The following GALNT18 variants were observed in gnomAD, a reference collection of about 807,000 sequenced individuals.
The protein encoded by GALNT18 is GalNAc-transferase 18.
In GALNT18, 44 loss-of-function variants were observed where a neutral mutation model predicts 69.5. That is an observed-to-expected ratio of 0.63 (90% CI 0.50 to 0.81). The LOEUF (loss-of-function observed/expected upper bound fraction) is 0.81. GALNT18 is among the 40% of genes least tolerant of loss of function. The probability of loss-of-function intolerance (pLI) is 0.00; values close to 1 mark genes in which losing one functional copy is unlikely to be tolerated. For synonymous variants in GALNT18, 364 were observed against 318.2 expected, an observed-to-expected ratio of 1.14 and a Z score of -1.53; for missense variants, 715 against 810.0, an observed-to-expected ratio of 0.88 and a Z score of 1.42.
intron 1 of GALNT18, among the ~76,000 whole-genome samples, chr11:11,556,994 G>A (rs1190492945): frequency 6.6e-6 from 1 of 152,190 alleles, no homozygotes; most frequent in African/African-American, 2.4e-5. Flanking sequence ...GTCTGCCCAG[G>A]AGGCCCATGG....
intron 5 of GALNT18, among the ~76,000 whole-genome samples, chr11:11,375,864 G>A (rs1589950293): frequency 6.6e-6 from 1 of 152,292 alleles, no homozygotes; most frequent in East Asian, 1.9e-4. Flanking sequence ...TTAAGTATGA[G>A]TATACATTTT....
At position 11,293,141 on chromosome 11, in the gene GALNT18, G is replaced by A; in HGVS notation, c.1565C>T (p.Thr522Ile). 2 of 1,360,770 alleles carry A rather than the reference G, an allele frequency of 1.5e-6. No homozygotes were observed. The highest frequency in any genetic ancestry group is 3.0e-5 in the Admixed American group (1 of 33,844). The allele number at this position is 1,360,770 out of a possible 1,614,324, so 84.3% of individuals were successfully genotyped here. ...QQIHVGILSP[T>I]VDDDDNRCLV... ...GCATCGGTTGTCATCATCATCCACG[G>A]TGGGGCTCAGAATGCCCACATGGAT... Residue 522 changes from threonine to isoleucine, a missense_variant, in exon 10 of 11, where the codon ACC becomes ATC. By Grantham distance (89) the Thr-to-Ile change is moderately conservative (BLOSUM62 -1). Coordinates refer to ENST00000227756, the MANE Select transcript of GALNT18 (RefSeq NM_198516.3).
intron 1 of GALNT18, among the ~76,000 whole-genome samples, chr11:11,516,940 C>A (rs1857290240): frequency 6.6e-6 from 1 of 152,222 alleles, no homozygotes; most frequent in Admixed American, 6.5e-5. Flanking sequence ...GAAATCCTAA[C>A]CCCCAAGGTG....
chr11:11,279,993 A>AG (rs1276844116), intron 10 of GALNT18, among the ~76,000 whole-genome samples: 1 of 152,150 alleles, frequency 6.6e-6, no homozygotes, highest in African/African-American at 2.4e-5. Context: ...GTGCGGGTGG[A>AG]GGGGACTGTG....
intron 1 of GALNT18, among the ~76,000 whole-genome samples, chr11:11,577,589 G>A (rs1052635315): frequency 6.6e-6 from 1 of 152,182 alleles, no homozygotes; most frequent in Non-Finnish European, 1.5e-5. Context: ...GGGGGCCTAA[G>A]TAAAGCCCAG....
At chr11:11,551,027 A>G (rs1858174729) in intron 1 of GALNT18, among the ~76,000 whole-genome samples, 1 of 151,244 alleles carries the variant, frequency 6.6e-6, no homozygotes, top group South Asian at 2.1e-4. Flanking sequence ...ACTCTGAAGC[A>G]GTCACATTTC....
rs1373953493 is a variant in GALNT18 at position 11,347,530 on chromosome 11, G to T, written c.1093-6526C>A. Among the ~76,000 whole-genome samples the T allele has an allele frequency of 2.6e-5, 4 of 152,340 alleles. No homozygotes were observed. Among genetic ancestry groups the T allele is most frequent in the Non-Finnish European group, 5.9e-5 (4 of 68,032 alleles). The stretch of plus-strand genomic sequence containing the variant: ...TTACGGTTACCATGGGTAAGGGACT[G>T]GGGTTGGTGGCACTTCAGCCTTGTA... On this transcript the variant is annotated intron_variant, in intron 6 of 10. Transcript: ENST00000227756. This position sits in a 1 kb window ranked among gnomAD's most constrained non-coding sequence, Gnocchi z 4.0.
intron 3 of GALNT18, among the ~76,000 whole-genome samples, chr11:11,411,339 A>G (rs538268859): frequency 5.3e-5 from 8 of 152,310 alleles, no homozygotes; most frequent in Admixed American, 1.3e-4. Context: ...TGAATATACT[A>G]GAACTGAAAT....
chr11:11,577,037 C>T (rs1296653697), intron 1 of GALNT18, among the ~76,000 whole-genome samples: 2 of 152,154 alleles, frequency 1.3e-5, no homozygotes, highest in Non-Finnish European at 2.9e-5. Flanking sequence ...ACTGTCACCT[C>T]GATGCAGGCT....
chr11:11,557,478 C>T (rs2133977474), intron 1 of GALNT18, among the ~76,000 whole-genome samples: 1 of 152,310 alleles, frequency 6.6e-6, no homozygotes, highest in Non-Finnish European at 1.5e-5. Context: ...TCAGGGAACT[C>T]AGCTGGAAGG....
intron 1 of GALNT18, among the ~76,000 whole-genome samples, chr11:11,599,942 A>T (rs1173693773): frequency 1.3e-5 from 2 of 151,896 alleles, no homozygotes; most frequent in Non-Finnish European, 2.9e-5. Flanking sequence ...TTCTTGAGTT[A>T]TTTTCTTAGT....
intron 3 of GALNT18, among the ~76,000 whole-genome samples, chr11:11,423,264 A>G (rs770138857): frequency 4.6e-5 from 7 of 151,792 alleles, no homozygotes; most frequent in Non-Finnish European, 8.8e-5. Flanking sequence ...TGTTATATGT[A>G]TGTAACACGA....
chr11:11,275,936 C>A (rs949990776), intron 10 of GALNT18, among the ~76,000 whole-genome samples: 2 of 152,138 alleles, frequency 1.3e-5, no homozygotes, highest in Non-Finnish European at 2.9e-5. Context: ...GTTACTGTAG[C>A]CTTGTAGTAT....
At chr11:11,326,320 A>G (rs1849917441) in intron 9 of GALNT18, among the ~76,000 whole-genome samples, 1 of 152,194 alleles carries the variant, frequency 6.6e-6, no homozygotes, top group Non-Finnish European at 1.5e-5. Context: ...CTGAGATTAC[A>G]GGTGTGAGCC....
At chr11:11,362,552 G>A (rs1850667290) in intron 6 of GALNT18, among the ~76,000 whole-genome samples, 1 of 152,080 alleles carries the variant, frequency 6.6e-6, no homozygotes, top group South Asian at 2.1e-4. Context: ...ACAGAAAAAA[G>A]AAATGCAAAT....
At chr11:11,467,573 A>G (rs960021673) in intron 1 of GALNT18, among the ~76,000 whole-genome samples, 1 of 152,232 alleles carries the variant, frequency 6.6e-6, no homozygotes, top group Admixed American at 6.5e-5. Flanking sequence ...GAATCAGCCC[A>G]GGAGACACGC....
chr11:11,547,107 C>T (rs1039603026), intron 1 of GALNT18, among the ~76,000 whole-genome samples: 21 of 152,218 alleles, frequency 1.4e-4, no homozygotes, highest in African/African-American at 3.4e-4. Context: ...AAATGAGAAA[C>T]GTACAGAAAG....
intron 1 of GALNT18, among the ~76,000 whole-genome samples, chr11:11,594,844 CAT>C (rs61397791): frequency 0.17 from 20,483 of 120,158 alleles, 2,005 homozygotes; most frequent in Middle Eastern, 0.24. Context: ...TATATATACA[CAT>C]ATACATACAT....
In GALNT18 at chr11:11,614,676, A is replaced by C. The variant is rs1206669509; in HGVS notation, c.235+6683T>G. Among the ~76,000 whole-genome samples, 3 of 152,242 alleles carry C rather than the reference A, an allele frequency of 2.0e-5. No individual in the cohort carries two copies. Among genetic ancestry groups the C allele is most frequent in the African/African-American group, 7.2e-5 (3 of 41,470 alleles). ...AACCCTGTTTGTGACTCTGAATCCC[A>C]TAAATACCTTTGGGAAAACATAGGC... On this transcript the variant is annotated intron_variant, in intron 1 of 10. Coordinates refer to ENST00000227756, the MANE Select transcript of GALNT18 (RefSeq NM_198516.3). This position sits in a 1 kb window ranked among gnomAD's most constrained non-coding sequence, Gnocchi z 5.6.
Sources: allele counts gnomAD v4.1 joint callset (sites outside exome capture counted in the v4.1 genomes callset), GRCh38; gene constraint gnomAD v4.1.1; non-coding constraint Gnocchi (gnomAD v3.1); transcripts MANE v1.5; gene names NCBI Gene and HGNC (gene_info 2026-07-23, HGNC 2026-07-21).